Variants in ALDH1A3 observed in about 807,000 individuals in gnomAD.
The protein encoded by ALDH1A3 is aldehyde dehydrogenase 1 family member A3, also known as retinaldehyde dehydrogenase 3.
Under a neutral mutation model 57.5 loss-of-function variants are expected in ALDH1A3, and 28 were observed. That is an observed-to-expected ratio of 0.49 (90% confidence interval 0.36 to 0.67). ALDH1A3 has a LOEUF of 0.67. ALDH1A3 is among the 30% of genes least tolerant of loss of function. The pLI is 0.00. For synonymous variants in ALDH1A3, 281 were observed against 264.8 expected (o/e 1.06, Z -0.59); for missense variants, 507 against 669.4 (o/e 0.76, Z 2.68).
At chr15:100,910,313 T>C (rs1483167985) in intron 12 of ALDH1A3, among the ~76,000 whole-genome samples, 1 of 152,260 alleles carries the variant, frequency 6.6e-6, no homozygotes, top group Non-Finnish European at 1.5e-5. Context: ...TTCCTCCCTC[T>C]AGTGGCCTGT....
rs2041630509 is a variant in ALDH1A3, at chr15:100,889,727, C to T, written c.345+2015C>T. Among the ~76,000 whole-genome samples the T allele has an allele frequency of 2.0e-5, 3 of 152,182 alleles. No homozygotes were observed. Among genetic ancestry groups the T allele is most frequent in the South Asian group, 2.1e-4 (1 of 4,828 alleles). On this transcript the variant is annotated intron_variant, in intron 3 of 12. Coordinates refer to ENST00000329841, the MANE Select transcript of ALDH1A3 (RefSeq NM_000693.4). The surrounding 1 kb of genome is among the most constrained non-coding windows in gnomAD (Gnocchi z 5.1). ...TTCAGGCTGCCCCATTGTCCTGGCA[C>T]GACTGTGTTTTGATAGCAGACAGCT...
chr15:100,880,638 CA>C (rs963578894), intron 1 of ALDH1A3: 2 of 159,526 alleles, frequency 1.3e-5, no homozygotes, highest in Admixed American at 1.3e-4. Context: ...CCGGTGTTTA[CA>C]CACAAGGCGC....
At chr15:100,901,072 C>G (rs1312061095) in intron 9 of ALDH1A3, among the ~76,000 whole-genome samples, 2 of 152,160 alleles carry the variant, frequency 1.3e-5, no homozygotes, top group Admixed American at 1.3e-4. Flanking sequence ...CTGAAGGCAG[C>G]AGAGTGCAGG....
intron 2 of ALDH1A3, among the ~76,000 whole-genome samples, chr15:100,886,310 G>A (rs998983344): frequency 6.6e-6 from 1 of 152,242 alleles, no homozygotes; most frequent in Non-Finnish European, 1.5e-5. Flanking sequence ...TTGGGGGGAA[G>A]CCATGACATG....
chr15:100,899,205 G>A lies in ALDH1A3; in HGVS notation c.883+1020G>A, dbSNP rs1410013024. 5.3e-5 allele frequency among the ~76,000 whole-genome samples: 8 copies of A among 152,190 alleles called. No homozygotes were observed. In the East Asian group the frequency reaches 9.6e-4, roughly 18 times the overall value. On this transcript the variant is annotated intron_variant, in intron 8 of 12. Transcript: ENST00000329841. The stretch of plus-strand genomic sequence containing the variant: ...TGTGAAGATGGACTTTCCATTTCTT[G>A]CCTGGGTCAGTGTTCCCTTGTGGAA...
chr15:100,895,979 C>G lies in ALDH1A3; in HGVS notation c.713C>G (p.Pro238Arg), dbSNP rs768844900. 2 of 1,613,800 alleles carry G rather than the reference C, an allele frequency of 1.2e-6. No individual in the cohort carries two copies. The highest frequency in any genetic ancestry group is 1.7e-6 in the Non-Finnish European group (2 of 1,179,876). The change falls in exon 7 of 13, where the codon CCC becomes CGC. Residue 238 changes from proline to arginine, a missense_variant. This residue lies in a region of ALDH1A3 where 432 missense variants were observed against 608.4 expected (regional missense o/e 0.71). Coordinates refer to ENST00000329841, the MANE Select transcript of ALDH1A3 (RefSeq NM_000693.4). ...GTGAACATTGTGCCAGGATTCGGGCCCACAGTGGGAGCAGCAATTTCTTCT... is the reference window on the plus strand; with the variant it reads ...GTGAACATTGTGCCAGGATTCGGGCGCACAGTGGGAGCAGCAATTTCTTCT... Reference protein sequence around the residue: ...GVVNIVPGFGPTVGAAISSHP... With the variant: ...GVVNIVPGFGRTVGAAISSHP...
intron 2 of ALDH1A3, 114 bp downstream of exon 2, chr15:100,885,485 T>A: frequency 1.4e-6 from 1 of 715,156 alleles, no homozygotes; most frequent in South Asian, 1.7e-5. Flanking sequence ...GGGCAGGGCC[T>A]GGGCTAGCTG....
chr15:100,888,688 T>C (rs1470882678), intron 3 of ALDH1A3: 1 of 152,238 alleles, frequency 6.6e-6, no homozygotes, highest in Non-Finnish European at 1.5e-5. Context: ...CTCTGCCACT[T>C]ACTAGCTGTG....
Position 100,896,008 on chromosome 15 carries a change from C to G in ALDH1A3, c.742C>G (p.Pro248Ala), listed in dbSNP as rs1007040444. 2 of 1,613,164 alleles carry G rather than the reference C, an allele frequency of 1.2e-6. No individual in the cohort carries two copies. Among genetic ancestry groups the G allele is most frequent in the Non-Finnish European group, 1.7e-6 (2 of 1,179,692 alleles). The change falls in exon 7 of 13, where the codon CCT (proline) becomes GCT (alanine). Residue 248 changes from proline (P) to alanine (A), a missense_variant. By Grantham distance (27) the Pro-to-Ala change is conservative (BLOSUM62 -1). Coordinates refer to ENST00000329841, the MANE Select transcript of ALDH1A3 (RefSeq NM_000693.4). ...PTVGAAISSH[P>A]QINKIAFTGS... Reference sequence around the variant, plus strand: ...AGTGGGAGCAGCAATTTCTTCTCACCCTCAGATCAACAAGATCGCCTTCAC... The same window carrying G: ...AGTGGGAGCAGCAATTTCTTCTCACGCTCAGATCAACAAGATCGCCTTCAC...
chr15:100,903,654 G>A (rs377554260), intron 9 of ALDH1A3, among the ~76,000 whole-genome samples: 1 of 152,316 alleles, frequency 6.6e-6, no homozygotes, highest in African/African-American at 2.4e-5. Flanking sequence ...CTAGAAGTTT[G>A]TCTGTTTCTT....
intron 1 of ALDH1A3, among the ~76,000 whole-genome samples, chr15:100,882,949 TAA>T (rs899536151): frequency 5.9e-5 from 9 of 152,200 alleles, no homozygotes; most frequent in African/African-American, 2.2e-4. Context: ...TTTACAAAAT[TAA>T]AAACATAGTG....
chr15:100,895,593 C>T, intron 6 of ALDH1A3: 1 of 337,324 alleles, frequency 3.0e-6, no homozygotes. Context: ...CACACACACA[C>T]CCCACATGGA....
chr15:100,881,459 C>CA (rs1446391198), intron 1 of ALDH1A3: 1 of 152,150 alleles, frequency 6.6e-6, no homozygotes, highest in Non-Finnish European at 1.5e-5. Flanking sequence ...TACAGGATTT[C>CA]AAAATACTGT....
chr15:100,907,183 G>T lies in ALDH1A3; in HGVS notation c.1296G>T (p.Ala432=). ...GTATCGAAGAAGTGATAAAAAGAGCGAATAGCACCGACTATGGACTCACAG... is the reference window on the plus strand; with the variant it reads ...GTATCGAAGAAGTGATAAAAAGAGCTAATAGCACCGACTATGGACTCACAG... ...FKSIEEVIKR[A]NSTDYGLTAA... Residue 432 remains alanine, a synonymous_variant, in exon 11 of 13, where the codon GCG becomes GCT. Transcript: ENST00000329841. 5.0e-6 allele frequency: 8 copies of T among 1,614,118 alleles called. No individual in the cohort carries two copies. Among genetic ancestry groups the T allele is most frequent in the African/African-American group, 1.3e-5 (1 of 75,028 alleles).
chr15:100,892,393 G>A (rs2041659232), intron 3 of ALDH1A3, 117 bp from the exon 4 acceptor site: 1 of 1,364,670 alleles, frequency 7.3e-7, no homozygotes, highest in South Asian at 1.3e-5. Flanking sequence ...CTGACTGTGA[G>A]GTCTACAGAG....
At chr15:100,880,834 C>A (rs1366149935) in intron 1 of ALDH1A3, 1 of 152,402 alleles carries the variant, frequency 6.6e-6, no homozygotes, top group East Asian at 1.9e-4. Context: ...GGCCTCTGAG[C>A]TGGGGCTGAG....
rs1220292040 is a variant in ALDH1A3 at position 100,886,918 on chromosome 15, T to A, written c.205-654T>A. Reference sequence around the variant, plus strand: ...CCATTCTCACTCTTGGACCACAAGTTCCCAGCTGGGATCAAATGCCAGGCA... The same window carrying A: ...CCATTCTCACTCTTGGACCACAAGTACCCAGCTGGGATCAAATGCCAGGCA... On this transcript the variant is annotated intron_variant, in intron 2 of 12. Coordinates refer to ENST00000329841, the MANE Select transcript of ALDH1A3 (RefSeq NM_000693.4). Among the ~76,000 whole-genome samples the A allele has an allele frequency of 9.2e-5, 14 of 152,282 alleles. No individual in the cohort carries two copies. In the South Asian group the frequency reaches 2.1e-3, roughly 23 times the overall value.
intron 8 of ALDH1A3, among the ~76,000 whole-genome samples, chr15:100,899,055 C>A (rs969133682): frequency 6.6e-6 from 1 of 152,176 alleles, no homozygotes; most frequent in East Asian, 1.9e-4. Context: ...AGAAAAATGA[C>A]CCTGGCACAA....
chr15:100,891,008 C>T (rs540132926), intron 3 of ALDH1A3, among the ~76,000 whole-genome samples: 1 of 152,294 alleles, frequency 6.6e-6, no homozygotes, highest in African/African-American at 2.4e-5. Flanking sequence ...CAAGCTAGAC[C>T]AGTCCTGTGG....
Sources: allele counts gnomAD v4.1 joint callset (sites outside exome capture counted in the v4.1 genomes callset), GRCh38; gene constraint gnomAD v4.1.1; regional missense constraint gnomAD v4.1.1; non-coding constraint Gnocchi (gnomAD v3.1); transcripts MANE v1.5; gene names NCBI Gene and HGNC (gene_info 2026-07-23, HGNC 2026-07-21).